WSCD1: variants seen among roughly 807,000 people sequenced by gnomAD.
WSCD1 encodes sialate:O-sulfotransferase 1.
A neutral mutation model predicts 60.4 loss-of-function variants in WSCD1; 41 were observed. That is an observed-to-expected ratio of 0.68 (90% CI 0.53 to 0.88). The LOEUF is 0.88. WSCD1 is among the 40% of genes least tolerant of loss of function. The pLI is 0.00. For synonymous variants in WSCD1, 361 were observed against 332.5 expected (o/e 1.09, Z -0.93); for missense variants, 784 against 796.2 (o/e 0.98, Z 0.18).
intron 4 of WSCD1, among the ~76,000 whole-genome samples, chr17:6,092,338 G>A (rs1040277990): frequency 5.9e-5 from 9 of 152,030 alleles, no homozygotes; most frequent in Non-Finnish European, 1.2e-4. Flanking sequence ...GAGCTGCTCC[G>A]TGTTTGACCC....
At chr17:6,120,162 TC>T in intron 8 of WSCD1, 146 bp from the exon 9 acceptor site, 1 of 870,574 alleles carries the variant, frequency 1.1e-6, no homozygotes. Context: ...CACCAAAGGG[TC>T]CTCCTCCATG....
chr17:6,116,400 T>TCACA (rs33955613), intron 7 of WSCD1, among the ~76,000 whole-genome samples: 63 of 150,618 alleles, frequency 4.2e-4, no homozygotes, highest in African/African-American at 1.3e-3. Context: ...GACAGAGTGA[T>TCACA]CACACACACA....
intron 7 of WSCD1, among the ~76,000 whole-genome samples, chr17:6,113,785 A>G (rs7216388): frequency 6.6e-5 from 10 of 152,090 alleles, no homozygotes; most frequent in African/African-American, 2.4e-4. Context: ...CAAAACCACA[A>G]TGAGATATCA....
At chr17:6,108,539 C>G (rs1049039576) in intron 5 of WSCD1, among the ~76,000 whole-genome samples, 1 of 152,176 alleles carries the variant, frequency 6.6e-6, no homozygotes, top group Non-Finnish European at 1.5e-5. Context: ...GAGCAAGACA[C>G]AGCTGATGCC....
At chr17:6,085,905 A>C (rs1167866581) in intron 2 of WSCD1, among the ~76,000 whole-genome samples, 1 of 152,146 alleles carries the variant, frequency 6.6e-6, no homozygotes, top group East Asian at 1.9e-4. Context: ...TGAGACTTAC[A>C]GAAGTAGAGA....
intron 6 of WSCD1, 85 bp downstream of exon 6, chr17:6,109,851 C>T: frequency 2.0e-6 from 3 of 1,532,318 alleles, no homozygotes; most frequent in Non-Finnish European, 2.7e-6. Flanking sequence ...CAGTCATGGC[C>T]AAGCATGCAG....
intron 2 of WSCD1, among the ~76,000 whole-genome samples, chr17:6,085,448 A>G (rs975397345): frequency 6.6e-6 from 1 of 152,162 alleles, no homozygotes; most frequent in Admixed American, 6.5e-5. Context: ...TTTCACAACT[A>G]CCTCATGGAA....
intron 5 of WSCD1, among the ~76,000 whole-genome samples, chr17:6,105,271 GC>G (rs1265463139): frequency 6.6e-6 from 1 of 152,182 alleles, no homozygotes; most frequent in Admixed American, 6.5e-5. Context: ...ATATCTTTCT[GC>G]CCTCGGACAC....
rs200049914 is a variant in WSCD1 at position 6,086,250 on chromosome 17, C to CATATATATATATATATATATATGTAT, written c.428-1718_428-1717insGTATATATATATATATATATATATAT. ...GCAGTCAGTAAGACCGTCCTGACTT[C>CATATATATATATATATATATATGTAT]ATATATATATATATATATATATATA... On this transcript the variant is annotated intron_variant, in intron 2 of 8. Coordinates refer to ENST00000317744, the MANE Select transcript of WSCD1 (RefSeq NM_015253.2). Among the ~76,000 whole-genome samples, 37 of 98,232 alleles carry CATATATATATATATATATATATGTAT rather than the reference C, an allele frequency of 3.8e-4. 4 individuals are homozygous for CATATATATATATATATATATATGTAT. Among genetic ancestry groups the CATATATATATATATATATATATGTAT allele is most frequent in the Non-Finnish European group, 6.5e-4 (32 of 48,952 alleles). 64.4% of individuals were successfully genotyped at this position (98,232 alleles called of 152,430 possible).
At chr17:6,108,169 C>T (rs1178885154) in intron 5 of WSCD1, among the ~76,000 whole-genome samples, 6 of 152,210 alleles carry the variant, frequency 3.9e-5, no homozygotes, top group African/African-American at 9.6e-5. Context: ...GCGTCATCTT[C>T]GCTTGCATGG....
chr17:6,088,011 G>C lies in WSCD1; in HGVS notation c.449G>C (p.Ser150Thr), dbSNP rs2150540763. The change falls in exon 3 of 9, where the codon AGT becomes ACT. Residue 150 changes from serine to threonine, a missense_variant. Transcript: ENST00000317744. ...HSRGTYIGCF[S>T]DDGHERTLKG... Reference sequence around the variant, plus strand: ...GCAGGCACCTACATTGGATGCTTCAGTGACGATGGCCACGAGAGGACTCTG... The same window carrying C: ...GCAGGCACCTACATTGGATGCTTCACTGACGATGGCCACGAGAGGACTCTG... 6.2e-7 allele frequency: 1 copy of C among 1,614,124 alleles called. No individual in the cohort carries two copies. Among genetic ancestry groups the C allele is most frequent in the Non-Finnish European group, 8.5e-7 (1 of 1,179,978 alleles).
upstream of WSCD1, chr17:6,069,450 A>C (rs1414750107): frequency 1.8e-5 from 6 of 331,076 alleles, no homozygotes; most frequent in Non-Finnish European, 3.1e-5. Context: ...AGAGAGAGAG[A>C]GCCTGTGGGT....
intron 4 of WSCD1, among the ~76,000 whole-genome samples, chr17:6,094,301 T>G (rs41506046): frequency 0.028 from 4,332 of 152,196 alleles, 204 homozygotes; most frequent in African/African-American, 0.097. Context: ...GAGGAGTTCC[T>G]AGAAATTGAG....
intron 3 of WSCD1, among the ~76,000 whole-genome samples, chr17:6,090,031 C>T (rs1448586609): frequency 6.6e-6 from 1 of 152,056 alleles, no homozygotes; most frequent in Admixed American, 6.6e-5. Flanking sequence ...ATTGCATGAC[C>T]CACATAAATC....
In WSCD1 at chr17:6,120,862, T is replaced by C. The variant is rs997460856; in HGVS notation, c.*201T>C. ...GCGAACACAAATGGACACACATACC[T>C]GGCCACGAACCCACACCTCCTCAGA... is the stretch of plus-strand genomic sequence containing the variant. On this transcript the variant is annotated 3_prime_UTR_variant, in exon 9 of 9. Coordinates refer to ENST00000317744, the MANE Select transcript of WSCD1 (RefSeq NM_015253.2). 101 of 610,070 alleles carry C rather than the reference T, an allele frequency of 1.7e-4. No homozygotes were observed. Among genetic ancestry groups the C allele is most frequent in the Non-Finnish European group, 2.6e-4 (91 of 352,014 alleles). The allele number at this position is 610,070 out of a possible 1,614,324, so 37.8% of individuals were successfully genotyped here.
chr17:6,120,244 C>T, intron 8 of WSCD1, 65 bp from the exon 9 acceptor site: 1 of 1,552,354 alleles, frequency 6.4e-7, no homozygotes, highest in Non-Finnish European at 8.8e-7. Context: ...CGAGCAGCCC[C>T]CCGGGGACCG....
At chr17:6,085,693 A>G (rs1909592213) in intron 2 of WSCD1, among the ~76,000 whole-genome samples, 1 of 152,238 alleles carries the variant, frequency 6.6e-6, no homozygotes, top group Non-Finnish European at 1.5e-5. Flanking sequence ...CCCATCTACA[A>G]TGATAAATGT....
At chr17:6,103,226 T>C (rs554270844) in intron 5 of WSCD1, among the ~76,000 whole-genome samples, 1 of 152,268 alleles carries the variant, frequency 6.6e-6, no homozygotes, top group Non-Finnish European at 1.5e-5. Context: ...ACGAACAGTT[T>C]TGTGATTTAT....
In WSCD1 at chr17:6,080,841, G is replaced by C; in HGVS notation, c.183G>C (p.Ala61=). Residue 61 remains alanine (A), a synonymous_variant, in exon 2 of 9, where the codon GCG becomes GCC. Coordinates refer to ENST00000317744, the MANE Select transcript of WSCD1 (RefSeq NM_015253.2). This position sits in a 1 kb window ranked among gnomAD's most constrained non-coding sequence, Gnocchi z 6.6. The stretch of plus-strand genomic sequence containing the variant: ...AGACCTTGCCAGTGGCCGCCGTGGC[G>C]CTGGGCGTGGGCTTGCTGGACAGCA... ...PLQTLPVAAV[A]LGVGLLDSRA... is the part of the protein sequence containing the mutation. 1 of 1,606,918 alleles carries C rather than the reference G, an allele frequency of 6.2e-7. No individual in the cohort carries two copies. The highest frequency in any genetic ancestry group is 8.5e-7 in the Non-Finnish European group (1 of 1,178,284).
Sources: gnomAD v4.1 joint callset for allele counts (sites outside exome capture counted in the v4.1 genomes callset) on GRCh38, gnomAD v4.1.1 for gene constraint, Gnocchi (gnomAD v3.1) non-coding constraint, MANE v1.5 for transcripts, NCBI Gene and HGNC (gene_info 2026-07-23, HGNC 2026-07-21) for gene names.